The following NAA38 variants were observed in gnomAD, a reference collection of about 807,000 sequenced individuals.
NAA38 encodes the protein LSM domain containing 1.
A neutral mutation model predicts 12.6 loss-of-function variants in NAA38; 15 were observed. That is an observed-to-expected ratio of 1.19 (90% CI 0.79 to 1.83). The LOEUF (loss-of-function observed/expected upper bound fraction) is 1.83, where lower values mean the gene tolerates loss of function less well. NAA38 is among the 40% of genes most tolerant of loss of function. The probability of loss-of-function intolerance (pLI) is 0.00; values close to 1 mark genes in which losing one functional copy is unlikely to be tolerated. For synonymous variants in NAA38, 88 were observed against 69.9 expected (o/e 1.26, Z -1.29); for missense variants, 183 against 171.7 (o/e 1.07, Z -0.37).
chr17:7,856,950 G>A, intron 2 of NAA38, 65 bp downstream of exon 2: 1 of 1,587,704 alleles, frequency 6.3e-7, no homozygotes, highest in South Asian at 1.1e-5. Flanking sequence ...AGGCCCTTAA[G>A]GGGAAATGCC....
upstream of NAA38, chr17:7,859,841 A>G: frequency 1.9e-6 from 1 of 537,900 alleles, no homozygotes. Context: ...AAGAAGATCA[A>G]GTACCTTGGT....
At chr17:7,875,958 A>G (rs1020987488) in intron 2 of NAA38, among the ~76,000 whole-genome samples, 4 of 152,238 alleles carry the variant, frequency 2.6e-5, no homozygotes, top group African/African-American at 9.6e-5. Flanking sequence ...TCCATCTTAT[A>G]GCATGTATCA....
chr17:7,860,348 G>A (rs888127986), upstream of NAA38: 1 of 152,186 alleles, frequency 6.6e-6, no homozygotes, highest in Non-Finnish European at 1.5e-5. Context: ...GGGTCTCGCT[G>A]TGTTGCCCAG....
chr17:7,879,962 A>G (rs993446010), intron 2 of NAA38, among the ~76,000 whole-genome samples: 4 of 152,126 alleles, frequency 2.6e-5, no homozygotes, highest in African/African-American at 9.7e-5. Flanking sequence ...TGACTGACAG[A>G]GAAGGCAGGC....
intron 3 of NAA38, chr17:7,865,399 A>G (rs1326526018): frequency 6.6e-6 from 1 of 152,208 alleles, no homozygotes; most frequent in African/African-American, 2.4e-5. Flanking sequence ...CCACTGCTGT[A>G]TTTTGCCAAT....
At chr17:7,884,695 CGAGGAG>C (rs1273939480) in intron 1 of NAA38, 535 of 266,110 alleles carry the variant, frequency 2.0e-3, no homozygotes, top group Non-Finnish European at 2.2e-3. Context: ...ACGCCGCCGC[CGAGGAG>C]GAGGAGGAGG....
upstream of NAA38, chr17:7,861,523 T>C (rs2078883060): frequency 6.6e-6 from 1 of 152,234 alleles, no homozygotes; most frequent in South Asian, 2.1e-4. Context: ...AGTGCAAGCC[T>C]CAGGGCCTGT....
intron 1 of NAA38, 61 bp downstream of exon 1, chr17:7,857,322 C>T: frequency 6.2e-7 from 1 of 1,612,682 alleles, no homozygotes; most frequent in South Asian, 1.1e-5. Context: ...CTGCAGTTCC[C>T]CACCCCCTCC....
intron 2 of NAA38, among the ~76,000 whole-genome samples, chr17:7,875,558 C>A (rs1967161633): frequency 6.6e-6 from 1 of 152,160 alleles, no homozygotes; most frequent in East Asian, 1.9e-4. Context: ...TGGTCTTAAA[C>A]TCCTGGCCTC....
At chr17:7,857,562 GAGA>G, upstream of NAA38, 2 of 1,415,218 alleles carry the variant, frequency 1.4e-6, no homozygotes, top group South Asian at 3.4e-5. Context: ...TTCCTTTCGC[GAGA>G]TCCCCTCTCC....
upstream of NAA38, chr17:7,862,738 T>TA (rs566528489): frequency 0.013 from 1,305 of 101,606 alleles, 9 homozygotes; most frequent in African/African-American, 0.034. Flanking sequence ...AAACTCCATC[T>TA]AAAAAAAAAA....
At chr17:7,859,478 C>T, upstream of NAA38, 1 of 1,614,108 alleles carries the variant, frequency 6.2e-7, no homozygotes, top group Admixed American at 1.7e-5. Context: ...AGGGAAGAAC[C>T]TGAACATGGA....
At chr17:7,880,833 C>T (rs554996875) in intron 2 of NAA38, among the ~76,000 whole-genome samples, 44 of 152,256 alleles carry the variant, frequency 2.9e-4, no homozygotes, top group Admixed American at 2.9e-3. Flanking sequence ...GAGTAGACTA[C>T]ATTTGGAGAG....
upstream of NAA38, chr17:7,857,743 A>G (rs2078840864): frequency 2.3e-6 from 3 of 1,277,170 alleles, no homozygotes; most frequent in African/African-American, 1.5e-5. Flanking sequence ...GCGAGAATAC[A>G]TTCTTTCATA....
intron 2 of NAA38, among the ~76,000 whole-genome samples, chr17:7,878,343 A>G (rs1358026617): frequency 6.6e-6 from 1 of 152,010 alleles, no homozygotes; most frequent in African/African-American, 2.4e-5. Flanking sequence ...TTAAAGCAGT[A>G]AATCCTAGAC....
At chr17:7,865,518 C>T (rs1966948500) in intron 3 of NAA38, 1 of 152,198 alleles carries the variant, frequency 6.6e-6, no homozygotes. Context: ...TCTCACATAG[C>T]TCTCAATGCT....
At chr17:7,873,935 G>A (rs1433883130) in intron 2 of NAA38, among the ~76,000 whole-genome samples, 3 of 152,180 alleles carry the variant, frequency 2.0e-5, no homozygotes, top group Non-Finnish European at 2.9e-5. Flanking sequence ...AAAGAAAGCT[G>A]ACTAGGAAAA....
At chr17:7,866,525 CTCT>C (rs1403360518) in exon 3 of NAA38, 21 of 1,231,368 alleles carry the variant, frequency 1.7e-5, no homozygotes, top group Non-Finnish European at 1.8e-5. Flanking sequence ...CTCTTTCAGG[CTCT>C]TCTTTGTCTC....
intron 2 of NAA38, among the ~76,000 whole-genome samples, chr17:7,875,000 A>G (rs1320588943): frequency 2.0e-5 from 3 of 151,896 alleles, no homozygotes; most frequent in Admixed American, 2.0e-4. Context: ...GTTTAAGACC[A>G]ATTTGAACGA....
Sources: allele counts gnomAD v4.1 joint callset (sites outside exome capture counted in the v4.1 genomes callset), GRCh38; gene constraint gnomAD v4.1.1; transcripts MANE v1.5; gene names NCBI Gene and HGNC (gene_info 2026-07-23, HGNC 2026-07-21).